The following STAB2 variants were observed in gnomAD, a reference collection of about 807,000 sequenced individuals.
STAB2 encodes stabilin 2.
STAB2 carries 288 observed loss-of-function variants against 338.1 expected under a neutral mutation model. That is an observed-to-expected ratio of 0.85 (90% confidence interval 0.77 to 0.94). STAB2 has a LOEUF of 0.94. Among genes scored for constraint, STAB2 ranks in the 40% least tolerant of loss-of-function variants. The probability of loss-of-function intolerance (pLI) is 0.00; values close to 1 mark genes in which losing one functional copy is unlikely to be tolerated. For synonymous variants in STAB2, 1,202 were observed against 1,193.3 expected (o/e 1.01, Z -0.15); for missense variants, 3,141 against 3,210.1 (o/e 0.98, Z 0.52).
intron 55 of STAB2, among the ~76,000 whole-genome samples, chr12:103,741,706 T>C (rs993144645): frequency 3.9e-5 from 6 of 152,236 alleles, no homozygotes; most frequent in Non-Finnish European, 5.9e-5. Flanking sequence ...CCATCCATCT[T>C]GGCCTCCCAA....
intron 5 of STAB2, among the ~76,000 whole-genome samples, chr12:103,626,197 A>G (rs1334195145): frequency 6.6e-6 from 1 of 152,258 alleles, no homozygotes; most frequent in East Asian, 1.9e-4. Context: ...TACAGTAGCC[A>G]CTAGCCACAT....
Position 103,654,583 on chromosome 12 carries a change from G to A in STAB2, c.1436G>A (p.Gly479Glu). 6.2e-7 allele frequency: 1 copy of A among 1,614,026 alleles called. No individual in the cohort carries two copies. The highest frequency in any genetic ancestry group is 8.5e-7 in the Non-Finnish European group (1 of 1,179,958). Reference sequence around the variant, plus strand: ...AATCAAATAAAGCTTAAACTCCATGGAGGCAAAAAGAAGGTAAAAATTATA... The same window carrying A: ...AATCAAATAAAGCTTAAACTCCATGAAGGCAAAAAGAAGGTAAAAATTATA... ...KDNQIKLKLH[G>E]GKKKVKIIQG... The change falls in exon 13 of 69, where the codon GGA becomes GAA. Residue 479 changes from glycine to glutamate, a missense_variant. Coordinates refer to ENST00000388887, the MANE Select transcript of STAB2 (RefSeq NM_017564.10).
At chr12:103,735,808 G>A (rs1057338443) in intron 52 of STAB2, among the ~76,000 whole-genome samples, 6 of 152,146 alleles carry the variant, frequency 3.9e-5, no homozygotes, top group African/African-American at 1.4e-4. Context: ...GTGGCAGGAA[G>A]CCTCTTACAC....
chr12:103,632,840 C>G (rs1309897249), intron 6 of STAB2, among the ~76,000 whole-genome samples: 1 of 152,152 alleles, frequency 6.6e-6, no homozygotes, highest in Admixed American at 6.5e-5. Flanking sequence ...GATGGCAGAG[C>G]CGGGGAGCTG....
intron 39 of STAB2, among the ~76,000 whole-genome samples, chr12:103,710,078 C>G (rs1227968008): frequency 6.6e-6 from 1 of 152,128 alleles, no homozygotes; most frequent in Non-Finnish European, 1.5e-5. Context: ...TCTTTGTTTC[C>G]TGTCCTATCT....
intron 31 of STAB2, among the ~76,000 whole-genome samples, chr12:103,693,237 T>G (rs1878110431): frequency 6.6e-6 from 1 of 152,058 alleles, no homozygotes. Context: ...GAGGATTGCT[T>G]GAGCCCAGGA....
chr12:103,648,941 T>A, intron 10 of STAB2, 118 bp downstream of exon 10: 1 of 1,416,962 alleles, frequency 7.1e-7, no homozygotes, highest in Non-Finnish European at 9.5e-7. Flanking sequence ...TCAGCCTTTT[T>A]GGAGGGGTCA....
chr12:103,727,292 GC>G lies in STAB2; in HGVS notation c.4880del (p.Pro1627GlnfsTer28). The G allele has an allele frequency of 6.2e-7, 1 of 1,614,234 alleles. No homozygotes were observed. Among genetic ancestry groups the G allele is most frequent in the Non-Finnish European group, 8.5e-7 (1 of 1,180,032 alleles). On this transcript the variant is annotated frameshift_variant, in exon 47 of 69. Transcript: ENST00000388887. LOFTEE classifies it high-confidence loss of function. ...GAGCATTTCGTGAAAGATCTGGTCGGCCCAGGCCCCTTCACTGTTTTTGCAC... is the reference window on the plus strand; with the variant it reads ...GAGCATTTCGTGAAAGATCTGGTCGGCCAGGCCCCTTCACTGTTTTTGCAC... ...LQEHFVKDLV[G>X]PGPFTVFAPL...
rs377563827 is a variant in STAB2, at chr12:103,638,092, T to C, written c.786T>C (p.Cys262=). The C allele has an allele frequency of 3.1e-6, 5 of 1,614,190 alleles. No individual in the cohort carries two copies. The highest frequency in any genetic ancestry group is 4.2e-6 in the Non-Finnish European group (5 of 1,180,036). The change falls in exon 8 of 69, where the codon TGT becomes TGC. Residue 262 remains cysteine, a synonymous_variant. Coordinates refer to ENST00000388887, the MANE Select transcript of STAB2 (RefSeq NM_017564.10). ...CTYLGPNRHS[C]TCQEGYRGDG... ...ACCTGGGACCAAATCGGCACAGTTG[T>C]ACATGCCAAGAAGGCTACCGTGGGG... is the stretch of plus-strand genomic sequence containing the variant.
intron 3 of STAB2, among the ~76,000 whole-genome samples, chr12:103,613,153 C>T (rs1957153200): frequency 1.3e-5 from 2 of 152,202 alleles, no homozygotes; most frequent in Admixed American, 1.3e-4. Flanking sequence ...CTTGAGGAGG[C>T]AGTCTGTCCG....
intron 22 of STAB2, among the ~76,000 whole-genome samples, chr12:103,673,005 C>T (rs1390002245): frequency 1.3e-5 from 2 of 152,130 alleles, no homozygotes; most frequent in African/African-American, 4.8e-5. Flanking sequence ...AAAGTACCTA[C>T]CTTCTGGGCC....
intron 3 of STAB2, among the ~76,000 whole-genome samples, chr12:103,612,538 A>G (rs1028999523): frequency 2.6e-5 from 4 of 152,218 alleles, no homozygotes; most frequent in African/African-American, 9.6e-5. Context: ...CAGCTCCGTC[A>G]GGTCCTTTAA....
At chr12:103,644,447 T>C (rs1036102737) in intron 9 of STAB2, among the ~76,000 whole-genome samples, 2 of 150,436 alleles carry the variant, frequency 1.3e-5, no homozygotes, top group African/African-American at 4.9e-5. Context: ...TGTTCACTTG[T>C]TTATCTGCTG....
chr12:103,718,174 G>A (rs1304034349), intron 44 of STAB2, among the ~76,000 whole-genome samples: 1 of 152,172 alleles, frequency 6.6e-6, no homozygotes, highest in Non-Finnish European at 1.5e-5. Flanking sequence ...AGCCATCTTA[G>A]GTAAACCTCA....
rs1268711468 is a variant in STAB2 at position 103,683,290 on chromosome 12, G to A, written c.2891G>A (p.Cys964Tyr). ...ITSCLEQTGKCHPLASCQSTS... is the reference protein window; with the variant it reads ...ITSCLEQTGKYHPLASCQSTS... ...TCATGCTTGGAACAAACCGGGAAATGTCATCCATTGGTGAGTTATTTAACC... is the reference window on the plus strand; with the variant it reads ...TCATGCTTGGAACAAACCGGGAAATATCATCCATTGGTGAGTTATTTAACC... Residue 964 changes from cysteine (C) to tyrosine (Y), a missense_variant, in exon 26 of 69, where the codon TGT becomes TAT. By Grantham distance (194) the Cys-to-Tyr change is radical (BLOSUM62 -2). Coordinates refer to ENST00000388887, the MANE Select transcript of STAB2 (RefSeq NM_017564.10). The A allele has an allele frequency of 5.6e-6, 9 of 1,598,052 alleles. No homozygotes were observed. The highest frequency in any genetic ancestry group is 6.0e-6 in the Non-Finnish European group (7 of 1,172,012).
intron 23 of STAB2, 89 bp from the exon 24 acceptor site, chr12:103,675,839 C>A: frequency 9.8e-7 from 1 of 1,020,374 alleles, no homozygotes; most frequent in Non-Finnish European, 1.5e-6. Flanking sequence ...AGCCATTTGG[C>A]CAGGAACTGG....
At chr12:103,753,517 A>G (rs557785777) in intron 61 of STAB2, among the ~76,000 whole-genome samples, 164 bp downstream of exon 61, 1 of 152,288 alleles carries the variant, frequency 6.6e-6, no homozygotes, top group South Asian at 2.1e-4. Context: ...TTGGGCATCT[A>G]TTATGTGTCA....
chr12:103,736,120 G>A (rs1882101885), intron 52 of STAB2, among the ~76,000 whole-genome samples: 1 of 152,152 alleles, frequency 6.6e-6, no homozygotes, highest in Admixed American at 6.5e-5. Flanking sequence ...TGCATATCAT[G>A]GAAAAGCCAA....
intron 27 of STAB2, among the ~76,000 whole-genome samples, chr12:103,685,536 C>G (rs974469570): frequency 6.6e-6 from 1 of 151,980 alleles, no homozygotes; most frequent in Non-Finnish European, 1.5e-5. Flanking sequence ...TCAGTCCTTA[C>G]CAGGCAGTAG....
Sources: allele counts gnomAD v4.1 joint callset (sites outside exome capture counted in the v4.1 genomes callset), GRCh38; gene constraint gnomAD v4.1.1; transcripts MANE v1.5; gene names NCBI Gene and HGNC (gene_info 2026-07-23, HGNC 2026-07-21).